The following MEOX2 variants were observed in gnomAD, a reference collection of about 807,000 sequenced individuals.
MEOX2 encodes the protein mesenchyme homeobox 2, also known as homeobox protein MOX-2.
In MEOX2, 11 loss-of-function variants were observed where a neutral mutation model predicts 27.0. That is an observed-to-expected ratio of 0.41 (90% CI 0.26 to 0.68). The LOEUF is 0.68. Among genes scored for constraint, MEOX2 ranks in the 30% least tolerant of loss-of-function variants. The pLI, the probability that MEOX2 is intolerant of heterozygous loss-of-function variation, is 0.33. For synonymous variants in MEOX2, 189 were observed against 155.4 expected (o/e 1.22, Z -1.61); for missense variants, 436 against 385.4 (o/e 1.13, Z -1.10).
intron 1 of MEOX2, among the ~76,000 whole-genome samples, chr7:15,657,590 G>A (rs1309612058): frequency 6.6e-6 from 1 of 152,030 alleles, no homozygotes; most frequent in Admixed American, 6.5e-5. Flanking sequence ...TTGCTGAGAT[G>A]TTCTATTTTT....
chr7:15,635,787 C>G (rs1171421477), intron 1 of MEOX2, among the ~76,000 whole-genome samples: 1 of 151,864 alleles, frequency 6.6e-6, no homozygotes, highest in Non-Finnish European at 1.5e-5. Context: ...GGTTGGGCCC[C>G]TAAAAGTATC....
chr7:15,642,968 A>G (rs1781585762), intron 1 of MEOX2, among the ~76,000 whole-genome samples: 1 of 152,156 alleles, frequency 6.6e-6, no homozygotes, highest in Non-Finnish European at 1.5e-5. Flanking sequence ...GGTCAAACTC[A>G]CTGTCTCCTA....
chr7:15,626,938 G>T lies in MEOX2; in HGVS notation c.518-20C>A. On this transcript the variant is annotated intron_variant, in intron 1 of 2. Coordinates refer to ENST00000262041, the MANE Select transcript of MEOX2 (RefSeq NM_005924.5). Reference sequence around the variant, plus strand: ...GGGAGTCTGAAAAAAAAGGGAGACAGAATTGGTAATAACTCATTTATTCAA... The same window carrying T: ...GGGAGTCTGAAAAAAAAGGGAGACATAATTGGTAATAACTCATTTATTCAA... The T allele has an allele frequency of 1.2e-6, 2 of 1,607,720 alleles. No homozygotes were observed. The highest frequency in any genetic ancestry group is 1.7e-6 in the Non-Finnish European group (2 of 1,175,372).
chr7:15,663,274 G>A (rs570509330), intron 1 of MEOX2, among the ~76,000 whole-genome samples: 2 of 151,670 alleles, frequency 1.3e-5, no homozygotes, highest in East Asian at 3.9e-4. Context: ...CCAAAAAGAT[G>A]TAAGAACTCA....
chr7:15,644,175 C>T (rs1413809556), intron 1 of MEOX2, among the ~76,000 whole-genome samples: 1 of 152,092 alleles, frequency 6.6e-6, no homozygotes, highest in Non-Finnish European at 1.5e-5. Flanking sequence ...GGGCGATGAG[C>T]ACTCAGAGTC....
intron 1 of MEOX2, among the ~76,000 whole-genome samples, chr7:15,666,294 T>C (rs1782003078): frequency 6.6e-6 from 1 of 152,192 alleles, no homozygotes; most frequent in African/African-American, 2.4e-5. Context: ...ATTGATTTCA[T>C]GCCAAAAATA....
At position 15,620,805 on chromosome 7, in the gene MEOX2, C is replaced by G. The variant is rs565191785; in HGVS notation, c.690+5941G>C. Among the ~76,000 whole-genome samples the G allele has an allele frequency of 5.9e-5, 9 of 152,254 alleles. No individual in the cohort carries two copies. In the South Asian group the frequency reaches 1.4e-3, roughly 25 times the overall value. Reference sequence around the variant, plus strand: ...TTTCCATTTATCTTGGCAGAAGTATCATTAATTTAGTCTGTTTATTCCAGT... The same window carrying G: ...TTTCCATTTATCTTGGCAGAAGTATGATTAATTTAGTCTGTTTATTCCAGT... On this transcript the variant is annotated intron_variant, in intron 2 of 2. Coordinates refer to ENST00000262041, the MANE Select transcript of MEOX2 (RefSeq NM_005924.5).
At chr7:15,666,153 A>G (rs768578070) in intron 1 of MEOX2, among the ~76,000 whole-genome samples, 2 of 152,222 alleles carry the variant, frequency 1.3e-5, no homozygotes, top group Admixed American at 6.5e-5. Context: ...TAAAAGTCAC[A>G]TAACTTGTTT....
chr7:15,659,601 A>T (rs1246014469), intron 1 of MEOX2, among the ~76,000 whole-genome samples: 1 of 151,964 alleles, frequency 6.6e-6, no homozygotes, highest in African/African-American at 2.4e-5. Flanking sequence ...TCTACTACGA[A>T]TACAAAAAAT....
intron 2 of MEOX2, among the ~76,000 whole-genome samples, chr7:15,623,448 C>T (rs1781250072): frequency 6.6e-6 from 1 of 152,164 alleles, no homozygotes; most frequent in African/African-American, 2.4e-5. Context: ...CAACTCACTG[C>T]AACTTCTGCC....
At chr7:15,663,028 C>T (rs921419681) in intron 1 of MEOX2, among the ~76,000 whole-genome samples, 3 of 152,100 alleles carry the variant, frequency 2.0e-5, no homozygotes, top group Non-Finnish European at 4.4e-5. Context: ...ATGAAATATA[C>T]TAACATAGTG....
chr7:15,660,611 C>T (rs898372368), intron 1 of MEOX2, among the ~76,000 whole-genome samples: 4 of 152,136 alleles, frequency 2.6e-5, no homozygotes, highest in African/African-American at 9.7e-5. Context: ...TTACCAAACA[C>T]CTCCTGAGGA....
intron 2 of MEOX2, among the ~76,000 whole-genome samples, chr7:15,618,223 C>T (rs1442200250): frequency 6.6e-6 from 1 of 151,952 alleles, no homozygotes; most frequent in Non-Finnish European, 1.5e-5. Flanking sequence ...TTCTTAATCC[C>T]ATTTTTACAG....
intron 1 of MEOX2, among the ~76,000 whole-genome samples, chr7:15,665,229 T>A (rs1422731035): frequency 6.6e-6 from 1 of 152,106 alleles, no homozygotes; most frequent in Non-Finnish European, 1.5e-5. Context: ...CCAGATACAT[T>A]GCCAGAATAA....
chr7:15,628,418 A>G (rs1003022101), intron 1 of MEOX2, among the ~76,000 whole-genome samples: 4 of 152,106 alleles, frequency 2.6e-5, no homozygotes, highest in African/African-American at 9.7e-5. Flanking sequence ...CACACTGACC[A>G]TTACTTATCC....
chr7:15,658,666 G>A (rs533985875), intron 1 of MEOX2, among the ~76,000 whole-genome samples: 26 of 152,162 alleles, frequency 1.7e-4, no homozygotes, highest in Non-Finnish European at 3.5e-4. Flanking sequence ...CTTTTGGGAG[G>A]TAATAGGTCA....
rs923010324 is a variant in MEOX2 at position 15,686,321 on chromosome 7, C to T, written c.82G>A (p.Ala28Thr). Residue 28 changes from alanine to threonine, a missense_variant, in exon 1 of 3, where the codon GCC becomes ACC. By Grantham distance (58) the Ala-to-Thr change is moderately conservative. Transcript: ENST00000262041. ...ATATGGTCAGATCTTCCATGGAGGG[C>T]GAGAGAGGATTGGGAGAACGGGTGC... is the stretch of plus-strand genomic sequence containing the variant. ...GLHPFSQSSL[A>T]LHGRSDHMSY... 2.2e-5 allele frequency: 36 copies of T among 1,606,784 alleles called. No individual in the cohort carries two copies. Among genetic ancestry groups the T allele is most frequent in the African/African-American group, 4.0e-5 (3 of 74,726 alleles).
intron 2 of MEOX2, among the ~76,000 whole-genome samples, chr7:15,614,497 C>T (rs1445408360): frequency 6.6e-6 from 1 of 152,034 alleles, no homozygotes; most frequent in African/African-American, 2.4e-5. Flanking sequence ...GAAGAATAGG[C>T]TTAACTTTAC....
chr7:15,614,180 A>G (rs755561783), intron 2 of MEOX2, among the ~76,000 whole-genome samples: 14 of 150,962 alleles, frequency 9.3e-5, no homozygotes, highest in Non-Finnish European at 1.9e-4. Context: ...ACACAGTGGG[A>G]CCCTGTCTCT....
Sources: allele counts gnomAD v4.1 joint callset (sites outside exome capture counted in the v4.1 genomes callset), GRCh38; gene constraint gnomAD v4.1.1; transcripts MANE v1.5; gene names NCBI Gene and HGNC (gene_info 2026-07-23, HGNC 2026-07-21).